CNTNAP2: variants seen among roughly 807,000 people sequenced by gnomAD.
The protein encoded by CNTNAP2 is contactin-associated protein-like 2.
In CNTNAP2, 98 loss-of-function variants were observed where a neutral mutation model predicts 155.2. The ratio of observed to expected loss-of-function variants is 0.63; its 90% CI spans 0.54 to 0.75. The LOEUF (loss-of-function observed/expected upper bound fraction) is 0.75, where lower values mean the gene tolerates loss of function less well. CNTNAP2 is among the 30% of genes least tolerant of loss of function. The pLI is 0.00. For synonymous variants in CNTNAP2, 651 were observed against 631.2 expected (o/e 1.03, Z -0.47); for missense variants, 1,727 against 1,688.1 (o/e 1.02, Z -0.40).
chr7:148,364,464 G>A (rs532382963), intron 21 of CNTNAP2, among the ~76,000 whole-genome samples: 1 of 149,972 alleles, frequency 6.7e-6, no homozygotes, highest in Non-Finnish European at 1.5e-5. Context: ...GAACTTTTAT[G>A]TATAGCTCAA....
intron 1 of CNTNAP2, among the ~76,000 whole-genome samples, chr7:146,611,830 G>A (rs1196636084): frequency 4.6e-5 from 7 of 152,172 alleles, no homozygotes; most frequent in African/African-American, 1.7e-4. Flanking sequence ...AAGTAGATCA[G>A]CTTAGCCTGG....
At chr7:147,301,610 G>C (rs868055613) in intron 9 of CNTNAP2, among the ~76,000 whole-genome samples, 1,829 of 133,218 alleles carry the variant, frequency 0.014, 51 homozygotes, top group African/African-American at 0.046. Context: ...GTGTGTGTGT[G>C]TGTGTGTGTG....
chr7:148,085,578 A>G (rs2116554927), intron 15 of CNTNAP2, among the ~76,000 whole-genome samples: 1 of 152,324 alleles, frequency 6.6e-6, no homozygotes, highest in South Asian at 2.1e-4. Context: ...ATTAGTTAGT[A>G]CCGTGATTTC....
intron 11 of CNTNAP2, among the ~76,000 whole-genome samples, chr7:147,531,664 T>G (rs777483003): frequency 6.6e-6 from 1 of 152,206 alleles, no homozygotes; most frequent in Non-Finnish European, 1.5e-5. Context: ...AGGCCTGTGA[T>G]GGGAGGGGCT....
intron 9 of CNTNAP2, among the ~76,000 whole-genome samples, chr7:147,326,468 T>G (rs754567762): frequency 2.0e-4 from 30 of 152,246 alleles, no homozygotes; most frequent in Non-Finnish European, 4.0e-4. Context: ...GTGTTTCTGC[T>G]GTTTCACTAT....
chr7:147,264,933 A>T (rs1048385039), intron 8 of CNTNAP2, among the ~76,000 whole-genome samples: 1 of 152,196 alleles, frequency 6.6e-6, no homozygotes, highest in South Asian at 2.1e-4. Flanking sequence ...CAAATCCTAC[A>T]TGAGGAGGAA....
At chr7:147,745,968 G>A (rs1797035526) in intron 13 of CNTNAP2, among the ~76,000 whole-genome samples, 1 of 152,152 alleles carries the variant, frequency 6.6e-6, no homozygotes, top group Non-Finnish European at 1.5e-5. Context: ...TTTTCATGGG[G>A]TGTAATCTGT....
intron 1 of CNTNAP2, among the ~76,000 whole-genome samples, chr7:146,478,705 C>T (rs1172905844): frequency 6.6e-6 from 1 of 151,848 alleles, no homozygotes; most frequent in Non-Finnish European, 1.5e-5. Flanking sequence ...CATGCACACA[C>T]ACAGGAAGGC....
intron 1 of CNTNAP2, among the ~76,000 whole-genome samples, chr7:146,359,135 G>A (rs375040682): frequency 6.6e-6 from 1 of 152,244 alleles, no homozygotes; most frequent in African/African-American, 2.4e-5. Flanking sequence ...ATAATTTAGA[G>A]AGAATAGGAA....
At chr7:147,646,703 G>C (rs1400907330) in intron 13 of CNTNAP2, among the ~76,000 whole-genome samples, 1 of 152,048 alleles carries the variant, frequency 6.6e-6, no homozygotes, top group Non-Finnish European at 1.5e-5. Context: ...AAACCTAAGC[G>C]CAGACAATTA....
intron 15 of CNTNAP2, among the ~76,000 whole-genome samples, chr7:148,008,488 A>G (rs914239199): frequency 1.3e-5 from 2 of 152,218 alleles, no homozygotes; most frequent in African/African-American, 4.8e-5. Flanking sequence ...CTCATTGTAC[A>G]GCTTACAATA....
intron 1 of CNTNAP2, among the ~76,000 whole-genome samples, chr7:146,432,395 A>T (rs751261203): frequency 1.3e-5 from 2 of 152,076 alleles, no homozygotes; most frequent in Admixed American, 1.3e-4. Context: ...AAAATAAATA[A>T]ATTGAATTAT....
intron 11 of CNTNAP2, among the ~76,000 whole-genome samples, chr7:147,527,524 C>G (rs577591602): frequency 2.6e-5 from 4 of 152,300 alleles, no homozygotes; most frequent in African/African-American, 9.6e-5. Context: ...ATGAAAGTCC[C>G]TGTAAATAAT....
intron 1 of CNTNAP2, among the ~76,000 whole-genome samples, chr7:146,203,316 G>A (rs1798896437): frequency 6.6e-6 from 1 of 152,142 alleles, no homozygotes; most frequent in Non-Finnish European, 1.5e-5. Context: ...CTTTCTGATG[G>A]ACAAGCTACA....
chr7:147,389,991 C>T (rs2116441292), intron 9 of CNTNAP2, among the ~76,000 whole-genome samples: 1 of 152,272 alleles, frequency 6.6e-6, no homozygotes, highest in Admixed American at 6.5e-5. Context: ...CACTGTTAAT[C>T]TAAGTAGGTT....
intron 19 of CNTNAP2, among the ~76,000 whole-genome samples, chr7:148,220,380 G>A (rs1369743988): frequency 6.6e-6 from 1 of 152,210 alleles, no homozygotes; most frequent in East Asian, 1.9e-4. Context: ...GGGATTACAG[G>A]CGTGAGCCAT....
intron 8 of CNTNAP2, among the ~76,000 whole-genome samples, chr7:147,157,077 A>C (rs1415275506): frequency 2.0e-5 from 3 of 152,098 alleles, no homozygotes; most frequent in East Asian, 1.9e-4. Flanking sequence ...CAGTAGCCCA[A>C]GAAAACAGAA....
At chr7:146,306,293 T>C (rs1239280695) in intron 1 of CNTNAP2, among the ~76,000 whole-genome samples, 30 of 152,116 alleles carry the variant, frequency 2.0e-4, no homozygotes, top group Admixed American at 2.0e-3. Context: ...CCAGATGGAC[T>C]CAGAGCTGAA....
intron 12 of CNTNAP2, among the ~76,000 whole-genome samples, chr7:147,601,091 G>A (rs539662306): frequency 8.5e-5 from 13 of 152,052 alleles, no homozygotes; most frequent in Non-Finnish European, 1.9e-4. Context: ...CTGTGTCCCC[G>A]TTACTCAGCC....
Sources: allele counts gnomAD v4.1 joint callset (sites outside exome capture counted in the v4.1 genomes callset), GRCh38; gene constraint gnomAD v4.1.1; transcripts MANE v1.5; gene names NCBI Gene and HGNC (gene_info 2026-07-23, HGNC 2026-07-21).